ANXA6: variants seen among roughly 807,000 people sequenced by gnomAD.
The protein encoded by ANXA6 is 67 kDa calelectrin.
Under a neutral mutation model 95.4 loss-of-function variants are expected in ANXA6, and 71 were observed. The ratio of observed to expected loss-of-function variants is 0.74; its 90% confidence interval spans 0.61 to 0.91. ANXA6 has a LOEUF of 0.91. Among genes scored for constraint, ANXA6 ranks in the 40% least tolerant of loss-of-function variants. The probability of loss-of-function intolerance (pLI) is 0.00; values close to 1 mark genes in which losing one functional copy is unlikely to be tolerated. For missense variants in ANXA6, 830 were observed against 876.4 expected (o/e 0.95, Z 0.67); for synonymous variants, 289 against 315.9 (o/e 0.91, Z 0.90).
At chr5:151,131,581 G>C (rs982997596) in intron 10 of ANXA6, among the ~76,000 whole-genome samples, 5 of 152,176 alleles carry the variant, frequency 3.3e-5, no homozygotes, top group Non-Finnish European at 7.3e-5. Flanking sequence ...GAGCTGGGGT[G>C]GGGGTAGGGT....
chr5:151,110,804 G>C (rs754490604), intron 20 of ANXA6, among the ~76,000 whole-genome samples, 160 bp from the exon 21 acceptor site: 10 of 152,146 alleles, frequency 6.6e-5, no homozygotes, highest in Admixed American at 1.3e-4. Context: ...CGAAAGGAAG[G>C]GGGGTAGGGA....
chr5:151,105,217 G>A (rs1429554552), intron 24 of ANXA6, 28 bp downstream of exon 24: 1 of 1,606,778 alleles, frequency 6.2e-7, no homozygotes, highest in Non-Finnish European at 8.5e-7. Context: ...GTGCTTGAAG[G>A]GAAAGGAACG....
intron 19 of ANXA6, 109 bp downstream of exon 19, chr5:151,117,649 C>T: frequency 1.1e-6 from 1 of 914,086 alleles, no homozygotes; most frequent in Non-Finnish European, 1.7e-6. Flanking sequence ...CACCCCCTCT[C>T]CATCAGGAGT....
At chr5:151,103,005 G>A (rs1007735715) in intron 25 of ANXA6, among the ~76,000 whole-genome samples, 4 of 152,094 alleles carry the variant, frequency 2.6e-5, no homozygotes, top group Non-Finnish European at 2.9e-5. Context: ...TTGTTTGTTT[G>A]TCTGTTTTTG....
chr5:151,111,918 A>C (rs1302649647), intron 20 of ANXA6, among the ~76,000 whole-genome samples: 2 of 152,078 alleles, frequency 1.3e-5, no homozygotes, highest in Non-Finnish European at 2.9e-5. Context: ...CCTCCTGAGT[A>C]GCTGGGATTA....
At chr5:151,143,463 C>G (rs1428970522) in intron 2 of ANXA6, among the ~76,000 whole-genome samples, 1 of 152,186 alleles carries the variant, frequency 6.6e-6, no homozygotes, top group Non-Finnish European at 1.5e-5. Context: ...CAGATACTCA[C>G]AATTCCAGGG....
chr5:151,153,622 T>G (rs1380835931), intron 1 of ANXA6, among the ~76,000 whole-genome samples: 1 of 152,240 alleles, frequency 6.6e-6, no homozygotes, highest in Non-Finnish European at 1.5e-5. Flanking sequence ...GTTGTCTGAC[T>G]CGAGACTTTC....
intron 13 of ANXA6, 63 bp from the exon 14 acceptor site, chr5:151,126,543 A>AAC (rs3079845): frequency 0.1 from 82,425 of 824,386 alleles, 1,154 homozygotes; most frequent in South Asian, 0.24. Flanking sequence ...CACTCACACC[A>AAC]ACACACACAC....
chr5:151,118,278 A>G (rs1374161222), intron 18 of ANXA6, among the ~76,000 whole-genome samples: 2 of 139,274 alleles, frequency 1.4e-5, no homozygotes, highest in Non-Finnish European at 3.1e-5. Context: ...TTTTTTTTTC[A>G]AGACAGGGTC....
At chr5:151,141,556 AGAGT>A (rs1765835576) in intron 2 of ANXA6, 1 of 985,412 alleles carries the variant, frequency 1.0e-6, no homozygotes, top group Non-Finnish European at 1.2e-6. Flanking sequence ...GAGGTGGAGC[AGAGT>A]GAGTCCTGGA....
Position 151,122,260 on chromosome 5 carries a change from C to T in ANXA6, c.1234G>A (p.Asp412Asn). The change falls in exon 17 of 26, where the codon GAC becomes AAC. Residue 412 changes from aspartate (D) to asparagine (N), a missense_variant and splice_region_variant. Physicochemically the swap from Asp to Asn is conservative, Grantham distance 23 (BLOSUM62 1). Coordinates refer to ENST00000354546, the MANE Select transcript of ANXA6 (RefSeq NM_001155.5). ...TCAGACTTCAGGTCAGTCATTAAGT[C>T]CTGCAAAGGGCAGAGCCACAGTCAT... The part of the protein sequence containing the change: ...RQTFKSHFGR[D>N]LMTDLKSEIS... 2 of 1,592,690 alleles carry T rather than the reference C, an allele frequency of 1.3e-6. No homozygotes were observed. Among genetic ancestry groups the T allele is most frequent in the South Asian group, 1.1e-5 (1 of 88,308 alleles).
At chr5:151,142,098 A>T (rs1765854048) in intron 2 of ANXA6, among the ~76,000 whole-genome samples, 1 of 152,242 alleles carries the variant, frequency 6.6e-6, no homozygotes, top group Non-Finnish European at 1.5e-5. Flanking sequence ...TTTCACTTCT[A>T]AATCCTTTTC....
rs372240743 is a variant in ANXA6 at position 151,139,307 on chromosome 5, C to A, written c.204+46G>T. 5.8e-4 allele frequency: 793 copies of A among 1,369,626 alleles called. 1 individual carries two copies. Among genetic ancestry groups the A allele is most frequent in the Non-Finnish European group, 7.8e-4 (763 of 982,294 alleles). 84.8% of individuals were successfully genotyped at this position (1,369,626 alleles called of 1,614,324 possible). A position where few individuals can be genotyped will look rare whatever the true frequency, so the allele number is the denominator to read the frequency against. On this transcript the variant is annotated intron_variant, in intron 4 of 25. Transcript: ENST00000354546. ...GAACGAGCACACAGGTGAATGAAAT[C>A]ATTCTTCCACCCGCACCCCATGGGC...
chr5:151,118,127 C>T (rs1416894023), intron 18 of ANXA6, among the ~76,000 whole-genome samples: 2 of 152,148 alleles, frequency 1.3e-5, no homozygotes. Context: ...AAGTCACCTC[C>T]CTGTTGTCAT....
chr5:151,100,756 A>T lies in ANXA6; in HGVS notation c.*692T>A. 5.0e-6 allele frequency: 2 copies of T among 398,726 alleles called. No individual in the cohort carries two copies. Among genetic ancestry groups the T allele is most frequent in the Non-Finnish European group, 1.0e-5 (2 of 199,308 alleles). The allele number at this position is 398,726 out of a possible 1,614,324, so 24.7% of individuals were successfully genotyped here. A position where few individuals can be genotyped will look rare whatever the true frequency, so the allele number is the denominator to read the frequency against. ...TTTTATTTCTTCCTTAGAAATAAAA[A>T]GTGTCAAGGGAATGAATCGGAGGCA... On this transcript the variant is annotated 3_prime_UTR_variant, in exon 26 of 26. Transcript: ENST00000354546.
chr5:151,144,264 C>T (rs903146528), intron 2 of ANXA6, among the ~76,000 whole-genome samples: 22 of 152,164 alleles, frequency 1.4e-4, no homozygotes, highest in African/African-American at 4.8e-4. Context: ...TTCTTTACTA[C>T]GTTGAGCCAT....
chr5:151,142,899 C>T (rs1325006453), intron 2 of ANXA6, among the ~76,000 whole-genome samples: 3 of 152,206 alleles, frequency 2.0e-5, no homozygotes, highest in Admixed American at 6.5e-5. Flanking sequence ...TCTGTCCGGG[C>T]CCTCTGCAGG....
intron 14 of ANXA6, 147 bp from the exon 15 acceptor site, chr5:151,124,514 C>A: frequency 3.0e-6 from 2 of 662,464 alleles, no homozygotes; most frequent in Admixed American, 2.3e-5. Context: ...GAAGCCACAG[C>A]AGACAGACCC....
chr5:151,117,708 C>T, intron 19 of ANXA6, 50 bp downstream of exon 19: 1 of 1,517,726 alleles, frequency 6.6e-7, no homozygotes, highest in South Asian at 1.2e-5. Context: ...TTCCCTTCCT[C>T]CCAGGCCTCC....
Sources: gnomAD v4.1 joint callset for allele counts (sites outside exome capture counted in the v4.1 genomes callset) on GRCh38, gnomAD v4.1.1 for gene constraint, MANE v1.5 for transcripts, NCBI Gene and HGNC (gene_info 2026-07-23, HGNC 2026-07-21) for gene names.